The following HNRNPR variants were observed in gnomAD, a reference collection of about 807,000 sequenced individuals.
HNRNPR encodes heterogeneous nuclear ribonucleoprotein R.
HNRNPR carries 4 observed loss-of-function variants against 70.3 expected under a neutral mutation model. The observed-to-expected ratio is 0.06, with a 90% CI of 0.03 to 0.13. The LOEUF is 0.13. HNRNPR is among the 10% of genes least tolerant of loss of function. HNRNPR has a pLI of 1.00. For missense variants in HNRNPR, 423 were observed against 788.5 expected (o/e 0.54, Z 5.55); for synonymous variants, 241 against 267.6 (o/e 0.90, Z 0.97).
rs1183462933 is a variant in HNRNPR at position 23,308,281 on chromosome 1, T to C, written c.*2173A>G. ...ACATGGAACCCAAGTTTTAATCTTA[T>C]GTTTTTGCGAGGGTTTGTTTTCTCA... On this transcript the variant is annotated 3_prime_UTR_variant, in exon 11 of 11. Coordinates refer to ENST00000302271, the MANE Select transcript of HNRNPR (RefSeq NM_005826.5). 4 of 152,090 alleles carry C rather than the reference T, an allele frequency of 2.6e-5. No individual in the cohort carries two copies. Among genetic ancestry groups the C allele is most frequent in the Admixed American group, 1.3e-4 (2 of 15,282 alleles). 9.4% of individuals were successfully genotyped at this position (152,090 alleles called of 1,614,324 possible).
intron 9 of HNRNPR, chr1:23,311,542 G>C (rs1395503284): frequency 1.8e-5 from 7 of 382,392 alleles, no homozygotes; most frequent in African/African-American, 4.2e-5. Flanking sequence ...ATTACATTTA[G>C]AACAAAACCG....
chr1:23,321,516 T>C lies in HNRNPR; in HGVS notation c.811+12A>G. On this transcript the variant is annotated intron_variant, in intron 7 of 10. Transcript: ENST00000302271. ...TTCGCAAAAGTAATTTCTAAATACA[T>C]TTTTGTTTTACCTGTGACTTTACTG... 6.2e-7 allele frequency: 1 copy of C among 1,609,210 alleles called. No homozygotes were observed. Among genetic ancestry groups the C allele is most frequent in the Non-Finnish European group, 8.5e-7 (1 of 1,176,562 alleles).
intron 5 of HNRNPR, among the ~76,000 whole-genome samples, chr1:23,332,171 G>A (rs565658934): frequency 6.6e-6 from 1 of 152,130 alleles, no homozygotes; most frequent in Admixed American, 6.5e-5. Flanking sequence ...GAGAAGGAAG[G>A]AATAGAACAG....
intron 4 of HNRNPR, among the ~76,000 whole-genome samples, chr1:23,336,014 G>A (rs1051731195): frequency 1.3e-5 from 2 of 148,914 alleles, no homozygotes. Context: ...CTACTCGGGA[G>A]GCTGAGGGAG....
At chr1:23,313,768 C>T in intron 8 of HNRNPR, 66 bp from the exon 9 acceptor site, 1 of 1,525,040 alleles carries the variant, frequency 6.6e-7, no homozygotes, top group African/African-American at 1.4e-5. Flanking sequence ...GTGTTTCTTC[C>T]TGTCTTCATA....
In HNRNPR at chr1:23,330,991, C is replaced by T. The variant is rs561002207; in HGVS notation, c.498+2527G>A. Reference sequence around the variant, plus strand: ...ACCTACTTTTCCTGAGTTTTCAAAACTTTGTCAACAAGTACTTGCACAATC... The same window carrying T: ...ACCTACTTTTCCTGAGTTTTCAAAATTTTGTCAACAAGTACTTGCACAATC... On this transcript the variant is annotated intron_variant, in intron 5 of 10. Coordinates refer to ENST00000302271, the MANE Select transcript of HNRNPR (RefSeq NM_005826.5). Among the ~76,000 whole-genome samples the T allele has an allele frequency of 3.3e-5, 5 of 152,282 alleles. No homozygotes were observed. The East Asian group carries it at 9.6e-4, about 29-fold the overall frequency.
intron 6 of HNRNPR, 65 bp downstream of exon 6, chr1:23,323,491 T>C: frequency 1.4e-6 from 2 of 1,437,806 alleles, no homozygotes; most frequent in Non-Finnish European, 1.9e-6. Flanking sequence ...ACTACAAACA[T>C]TTTTGAATTA....
At chr1:23,337,524 G>A (rs959720483) in intron 4 of HNRNPR, among the ~76,000 whole-genome samples, 11 of 152,036 alleles carry the variant, frequency 7.2e-5, no homozygotes, top group Non-Finnish European at 1.0e-4. Flanking sequence ...GGGTGTGGTG[G>A]TGCATGGCTG....
intron 7 of HNRNPR, among the ~76,000 whole-genome samples, chr1:23,319,910 G>A (rs1645690792): frequency 6.6e-6 from 1 of 152,170 alleles, no homozygotes; most frequent in African/African-American, 2.4e-5. Context: ...TCAGGTGCTG[G>A]TTGACATGTC....
chr1:23,342,935 CAA>C (rs1168615268), intron 1 of HNRNPR, among the ~76,000 whole-genome samples: 1 of 151,710 alleles, frequency 6.6e-6, no homozygotes. Context: ...TTAAAATTTT[CAA>C]AAAAAGTTTG....
At chr1:23,312,159 T>C (rs1298325597) in intron 9 of HNRNPR, among the ~76,000 whole-genome samples, 2 of 152,212 alleles carry the variant, frequency 1.3e-5, no homozygotes, top group Non-Finnish European at 1.5e-5. Context: ...CTATCAGTGA[T>C]TTATAAGTAT....
At chr1:23,315,053 G>A (rs898772182) in intron 8 of HNRNPR, among the ~76,000 whole-genome samples, 1 of 152,100 alleles carries the variant, frequency 6.6e-6, no homozygotes, top group Non-Finnish European at 1.5e-5. Flanking sequence ...GCCGAGGTGG[G>A]CAGATCACCT....
At position 23,310,134 on chromosome 1, in the gene HNRNPR, A is replaced by G. The variant is rs1469889392; in HGVS notation, c.*320T>C. 9.8e-6 allele frequency: 2 copies of G among 204,326 alleles called. No individual in the cohort carries two copies. Among genetic ancestry groups the G allele is most frequent in the Non-Finnish European group, 9.7e-6 (1 of 103,054 alleles). 12.7% of individuals were successfully genotyped at this position (204,326 alleles called of 1,614,324 possible). A position where few individuals can be genotyped will look rare whatever the true frequency, so the allele number is the denominator to read the frequency against. ...CAAATCCAAAAAAATGAAACTGTCC[A>G]AAACCAAAGGTTCTGCAAAATCATG... On this transcript the variant is annotated 3_prime_UTR_variant, in exon 11 of 11. Transcript: ENST00000302271. This position sits in a 1 kb window ranked among gnomAD's most constrained non-coding sequence, Gnocchi z 6.0.
Position 23,313,561 on chromosome 1 carries a change from C to T in HNRNPR, c.1159G>A (p.Ala387Thr), listed in dbSNP as rs1645418298. 6.5e-7 allele frequency: 1 copy of T among 1,549,910 alleles called. No homozygotes were observed. Among genetic ancestry groups the T allele is most frequent in the African/African-American group, 1.4e-5 (1 of 70,602 alleles). Residue 387 changes from alanine to threonine, a missense_variant, in exon 9 of 11, where the codon GCT (alanine) becomes ACT (threonine). Ala to Thr is a moderately conservative substitution (Grantham distance 58). This residue lies in a region of HNRNPR where 46 missense variants were observed against 164.6 expected (regional missense o/e 0.28). Transcript: ENST00000302271. ...AFVHFEDRGA[A>T]VKAMDEMNGK... ...AATTTCAAAATTCCTACCTTAACAG[C>T]TGCTCCTCTGTCTTCAAAATGAACA...
At chr1:23,333,291 TC>T (rs1353848468) in intron 5 of HNRNPR, among the ~76,000 whole-genome samples, 1 of 152,184 alleles carries the variant, frequency 6.6e-6, no homozygotes. Flanking sequence ...AGCAACCTGT[TC>T]CAAAAACTCT....
At position 23,306,828 on chromosome 1, in the gene HNRNPR, T is replaced by G. The variant is rs1645209678; in HGVS notation, c.*3626A>C. 1 of 152,210 alleles carries G rather than the reference T, an allele frequency of 6.6e-6. No individual in the cohort carries two copies. The highest frequency in any genetic ancestry group is 1.5e-5 in the Non-Finnish European group (1 of 68,012). The allele number at this position is 152,210 out of a possible 1,614,324, so 9.4% of individuals were successfully genotyped here. A position where few individuals can be genotyped will look rare whatever the true frequency, so the allele number is the denominator to read the frequency against. ...AATCAACAAACTTCTAATATAAAAG[T>G]AAACATGTCTGGCTAATGGATTTGT... On this transcript the variant is annotated 3_prime_UTR_variant, in exon 11 of 11. Transcript: ENST00000302271.
chr1:23,310,392 T>G lies in HNRNPR; in HGVS notation c.*62A>C. On this transcript the variant is annotated 3_prime_UTR_variant, in exon 11 of 11. Coordinates refer to ENST00000302271, the MANE Select transcript of HNRNPR (RefSeq NM_005826.5). This position sits in a 1 kb window ranked among gnomAD's most constrained non-coding sequence, Gnocchi z 6.0. ...AAACAGTTAAGCCAATTTTTTTTTT[T>G]GAAGAATGTAGATCTAGAGCCAATC... 1 of 1,481,308 alleles carries G rather than the reference T, an allele frequency of 6.8e-7. No individual in the cohort carries two copies. Among genetic ancestry groups the G allele is most frequent in the Non-Finnish European group, 9.0e-7 (1 of 1,114,492 alleles). 91.8% of individuals were successfully genotyped at this position (1,481,308 alleles called of 1,614,324 possible). A position where few individuals can be genotyped will look rare whatever the true frequency, so the allele number is the denominator to read the frequency against.
chr1:23,320,051 A>G (rs1024594018), intron 7 of HNRNPR, among the ~76,000 whole-genome samples: 5 of 152,148 alleles, frequency 3.3e-5, no homozygotes, highest in South Asian at 2.1e-4. Flanking sequence ...TATTTTTTAT[A>G]TTCTTGGTCT....
chr1:23,338,633 A>G (rs754092176), intron 2 of HNRNPR, 25 bp from the exon 3 acceptor site: 1 of 1,189,194 alleles, frequency 8.4e-7, no homozygotes, highest in Non-Finnish European at 1.2e-6. Flanking sequence ...GAAAGGGGTA[A>G]CGTTATTGCA....
Sources: allele counts gnomAD v4.1 joint callset (sites outside exome capture counted in the v4.1 genomes callset), GRCh38; gene constraint gnomAD v4.1.1; regional missense constraint gnomAD v4.1.1; non-coding constraint Gnocchi (gnomAD v3.1); transcripts MANE v1.5; gene names NCBI Gene and HGNC (gene_info 2026-07-23, HGNC 2026-07-21).